PEX5L: variants seen among roughly 807,000 people sequenced by gnomAD.
PEX5L encodes the protein peroxisomal biogenesis factor 5 like, also known as PEX5-related protein.
In PEX5L, 30 loss-of-function variants were observed where a neutral mutation model predicts 84.0. The ratio of observed to expected loss-of-function variants is 0.36; its 90% CI spans 0.27 to 0.48. The LOEUF (loss-of-function observed/expected upper bound fraction) is 0.48, where lower values mean the gene tolerates loss of function less well. Among genes scored for constraint, PEX5L ranks in the 20% least tolerant of loss-of-function variants. The probability of loss-of-function intolerance (pLI) is 0.99; values close to 1 mark genes in which losing one functional copy is unlikely to be tolerated. For missense variants in PEX5L, 533 were observed against 754.6 expected, an observed-to-expected ratio of 0.71 and a Z score of 3.44; for synonymous variants, 270 against 283.1, an observed-to-expected ratio of 0.95 and a Z score of 0.46.
chr3:179,924,255 C>G (rs1429803984), intron 2 of PEX5L, among the ~76,000 whole-genome samples: 3 of 152,116 alleles, frequency 2.0e-5, no homozygotes, highest in Non-Finnish European at 4.4e-5. Context: ...TGAACCTTTC[C>G]TAAGACACTG....
chr3:179,879,053 C>T (rs1200238376), intron 5 of PEX5L, among the ~76,000 whole-genome samples: 2 of 152,154 alleles, frequency 1.3e-5, no homozygotes, highest in African/African-American at 2.4e-5. Context: ...TTATTCCTCA[C>T]AGCCTTATGG....
At chr3:179,991,346 T>G (rs566442271) in intron 1 of PEX5L, among the ~76,000 whole-genome samples, 1 of 152,240 alleles carries the variant, frequency 6.6e-6, no homozygotes, top group African/African-American at 2.4e-5. Flanking sequence ...TGACTATATC[T>G]ACTGCAGACT....
chr3:179,932,711 C>A (rs1454451966), intron 2 of PEX5L, among the ~76,000 whole-genome samples: 1 of 151,670 alleles, frequency 6.6e-6, no homozygotes, highest in South Asian at 2.1e-4. Flanking sequence ...AATTCATGGC[C>A]CCAGACTTAA....
chr3:179,858,954 A>G, intron 8 of PEX5L, 108 bp downstream of exon 8: 1 of 687,190 alleles, frequency 1.5e-6, no homozygotes. Flanking sequence ...TGGCTATTTC[A>G]TGTCTATAAT....
intron 1 of PEX5L, among the ~76,000 whole-genome samples, chr3:179,972,461 A>G (rs1785013073): frequency 6.6e-6 from 1 of 152,028 alleles, no homozygotes; most frequent in Admixed American, 6.6e-5. Flanking sequence ...TTTTCTCCCA[A>G]CGCAACGGTT....
At chr3:179,937,967 C>T (rs912441518) in intron 2 of PEX5L, among the ~76,000 whole-genome samples, 1 of 152,094 alleles carries the variant, frequency 6.6e-6, no homozygotes, top group Non-Finnish European at 1.5e-5. Context: ...ACCTCTACTT[C>T]CAGCGCTTCC....
chr3:180,036,696 G>A lies in PEX5L; in HGVS notation c.-97C>T, dbSNP rs2108391531. 3.5e-6 allele frequency: 5 copies of A among 1,414,012 alleles called. No individual in the cohort carries two copies. Among genetic ancestry groups the A allele is most frequent in the East Asian group, 2.3e-5 (1 of 43,724 alleles). The allele number at this position is 1,414,012 out of a possible 1,614,324, so 87.6% of individuals were successfully genotyped here. Reference sequence around the variant, plus strand: ...AGAGGGGAAAAGGTGGGTGCACAGCGGGTTCTCAGAGGGTGCTCCTGAGCC... The same window carrying A: ...AGAGGGGAAAAGGTGGGTGCACAGCAGGTTCTCAGAGGGTGCTCCTGAGCC... On this transcript the variant is annotated 5_prime_UTR_variant, in exon 1 of 15. Transcript: ENST00000467460.
At chr3:179,968,617 C>T (rs76072747) in intron 2 of PEX5L, among the ~76,000 whole-genome samples, 3,521 of 151,962 alleles carry the variant, frequency 0.023, 142 homozygotes, top group African/African-American at 0.081. Context: ...ACCTTCTACG[C>T]TTAAAGTTTG....
chr3:180,032,803 G>A (rs1196902427), intron 1 of PEX5L, among the ~76,000 whole-genome samples: 1 of 152,140 alleles, frequency 6.6e-6, no homozygotes, highest in Non-Finnish European at 1.5e-5. Flanking sequence ...GCAGTGAGCC[G>A]AGATTGGGCC....
chr3:179,831,508 G>A (rs1001278547), intron 8 of PEX5L, among the ~76,000 whole-genome samples: 2 of 152,132 alleles, frequency 1.3e-5, no homozygotes, highest in Non-Finnish European at 2.9e-5. Context: ...AGCCTACTAC[G>A]TGGGAGGCAG....
intron 1 of PEX5L, among the ~76,000 whole-genome samples, chr3:179,988,124 G>A (rs1489185308): frequency 2.0e-5 from 3 of 152,150 alleles, no homozygotes; most frequent in Non-Finnish European, 4.4e-5. Flanking sequence ...AGAGGGCTGG[G>A]CATGGTGGCT....
chr3:179,928,543 T>C (rs890068709), intron 2 of PEX5L, among the ~76,000 whole-genome samples: 2 of 152,214 alleles, frequency 1.3e-5, no homozygotes, highest in Non-Finnish European at 2.9e-5. Flanking sequence ...GGGTAGGCAG[T>C]GGACAGCATT....
At chr3:179,988,127 T>C (rs1023538428) in intron 1 of PEX5L, among the ~76,000 whole-genome samples, 16 of 152,234 alleles carry the variant, frequency 1.1e-4, no homozygotes, top group Admixed American at 4.6e-4. Flanking sequence ...GGGCTGGGCA[T>C]GGTGGCTCAC....
intron 1 of PEX5L, among the ~76,000 whole-genome samples, chr3:179,998,965 G>GCAGCACTACAGCTCTA (rs1553925595): frequency 2.6e-5 from 4 of 152,220 alleles, no homozygotes; most frequent in Admixed American, 6.5e-5. Context: ...GTGGACAGCT[G>GCAGCACTACAGCTCTA]CAGCACTACA....
rs200825863 is a variant in PEX5L, at chr3:179,886,221, T to TC, written c.310+1451dup. Among the ~76,000 whole-genome samples the TC allele has an allele frequency of 6.4e-3, 976 of 152,320 alleles. 7 individuals carry two copies. Among genetic ancestry groups the TC allele is most frequent in the Middle Eastern group, 0.01 (3 of 294 alleles). On this transcript the variant is annotated intron_variant, in intron 4 of 14. Transcript: ENST00000467460. Reference sequence around the variant, plus strand: ...TGGACATACAAGGTTATCTGTATTTTCCTGGGGTAGTTCTCGAGTTTTGAA... The same window carrying TC: ...TGGACATACAAGGTTATCTGTATTTTCCCTGGGGTAGTTCTCGAGTTTTGAA...
At chr3:180,035,934 G>A (rs574606745) in intron 1 of PEX5L, among the ~76,000 whole-genome samples, 1 of 152,192 alleles carries the variant, frequency 6.6e-6, no homozygotes, top group Admixed American at 6.5e-5. Flanking sequence ...TGTTTGCATC[G>A]GAAAGAAGCA....
chr3:179,843,106 G>A (rs1420450777), intron 8 of PEX5L, among the ~76,000 whole-genome samples: 1 of 152,108 alleles, frequency 6.6e-6, no homozygotes, highest in Admixed American at 6.5e-5. Context: ...ACCTAGGAAA[G>A]TTTTGGAATA....
chr3:179,852,575 A>C (rs1742337129), intron 8 of PEX5L, among the ~76,000 whole-genome samples: 1 of 152,194 alleles, frequency 6.6e-6, no homozygotes. Context: ...GGGGGACGAG[A>C]AGAGCCAGAG....
At chr3:179,856,941 T>C (rs1483534010) in intron 8 of PEX5L, among the ~76,000 whole-genome samples, 5 of 152,224 alleles carry the variant, frequency 3.3e-5, no homozygotes, top group Admixed American at 2.6e-4. Flanking sequence ...GAACAAGTGG[T>C]TTGTCCAAAT....
Sources: gnomAD v4.1 joint callset for allele counts (sites outside exome capture counted in the v4.1 genomes callset) on GRCh38, gnomAD v4.1.1 for gene constraint, MANE v1.5 for transcripts, NCBI Gene and HGNC (gene_info 2026-07-23, HGNC 2026-07-21) for gene names.